The following MS4A8 variants were observed in gnomAD, a reference collection of about 807,000 sequenced individuals.
The protein encoded by MS4A8 is membrane-spanning 4-domains subfamily A member 8.
In MS4A8, 27 loss-of-function variants were observed where a neutral mutation model predicts 23.7. That is an observed-to-expected ratio of 1.14 (90% CI 0.84 to 1.57). The LOEUF is 1.57. MS4A8 is among the 40% of genes most tolerant of loss of function. The pLI is 0.00. For synonymous variants in MS4A8, 138 were observed against 126.3 expected, an observed-to-expected ratio of 1.09 and a Z score of -0.62; for missense variants, 301 against 311.4, an observed-to-expected ratio of 0.97 and a Z score of 0.25.
rs759903573 is a variant in MS4A8, at chr11:60,715,344, A to T, written c.683A>T (p.Asn228Ile). 6.2e-7 allele frequency: 1 copy of T among 1,613,864 alleles called. No homozygotes were observed. Among genetic ancestry groups the T allele is most frequent in the Non-Finnish European group, 8.5e-7 (1 of 1,179,982 alleles). ...SVIYPNIYAA[N>I]PVITPEPVTS... ...ATCTATCCAAACATCTATGCAGCAAACCCAGTGATCACCCCAGAACCGGTG... is the reference window on the plus strand; with the variant it reads ...ATCTATCCAAACATCTATGCAGCAATCCCAGTGATCACCCCAGAACCGGTG... The change falls in exon 7 of 7, where the codon AAC becomes ATC. Residue 228 changes from asparagine to isoleucine, a missense_variant. Coordinates refer to ENST00000300226, the MANE Select transcript of MS4A8 (RefSeq NM_031457.2).
chr11:60,703,412 G>T lies in MS4A8; in HGVS notation c.254G>T (p.Gly85Val). ...ATCATCATTGGCCTGGCTCACATCG[G>T]CCTCGGCTCCATCATGGCGACGGTT... ...IQIIIGLAHI[G>V]LGSIMATVLV... The change falls in exon 3 of 7, where the codon GGC becomes GTC. Residue 85 changes from glycine to valine, a missense_variant. By Grantham distance (109) the Gly-to-Val change is moderately radical (BLOSUM62 -3). Transcript: ENST00000300226. The T allele has an allele frequency of 6.2e-7, 1 of 1,603,722 alleles. No homozygotes were observed. The highest frequency in any genetic ancestry group is 8.5e-7 in the Non-Finnish European group (1 of 1,175,894).
chr11:60,710,179 C>A (rs2088288747), intron 5 of MS4A8, among the ~76,000 whole-genome samples: 1 of 152,152 alleles, frequency 6.6e-6, no homozygotes, highest in Non-Finnish European at 1.5e-5. Flanking sequence ...TCTTTCTGTA[C>A]TCATTTGTCT....
At position 60,707,050 on chromosome 11, in the gene MS4A8, A is replaced by C; in HGVS notation, c.402+3A>C. 6.2e-7 allele frequency: 1 copy of C among 1,613,254 alleles called. No homozygotes were observed. The highest frequency in any genetic ancestry group is 1.3e-5 in the African/African-American group (1 of 75,024). On this transcript the variant is annotated splice_donor_region_variant and intron_variant, in intron 4 of 6. Coordinates refer to ENST00000300226, the MANE Select transcript of MS4A8 (RefSeq NM_031457.2). ...ATCAGCCATATTCTTATTGCCTGGT[A>C]AGTTACATTCTGAGACCAGCTCTTC...
At position 60,708,937 on chromosome 11, in the gene MS4A8, T is replaced by C. The variant is rs776381228; in HGVS notation, c.534+156T>C. On this transcript the variant is annotated intron_variant, in intron 5 of 6. Coordinates refer to ENST00000300226, the MANE Select transcript of MS4A8 (RefSeq NM_031457.2). ...AACAAATTTTAAAGTCCTTGACCCA[T>C]AGCTTTAAGCACATGACCTTTCCCA... is the stretch of plus-strand genomic sequence containing the variant. 4.9e-6 allele frequency: 4 copies of C among 822,832 alleles called. No homozygotes were observed. The South Asian group carries it at 6.4e-5, about 13-fold the overall frequency. 51.0% of individuals were successfully genotyped at this position (822,832 alleles called of 1,614,324 possible).
chr11:60,699,803 A>G (rs1367827202), intron 1 of MS4A8, 28 bp downstream of exon 1: 2 of 152,358 alleles, frequency 1.3e-5, no homozygotes, highest in African/African-American at 2.4e-5. Context: ...GGTGGTTGGT[A>G]ACTGGGAGTT....
rs938223171 is a variant in MS4A8, at chr11:60,712,119, A to G, written c.535-2902A>G. On this transcript the variant is annotated intron_variant, in intron 5 of 6. Coordinates refer to ENST00000300226, the MANE Select transcript of MS4A8 (RefSeq NM_031457.2). ...AAGACCAGCATACTTTGCCCAGGCC[A>G]TTCTACTCTAAGTCTCTGTGATCCG... 5 of 280,018 alleles carry G rather than the reference A, an allele frequency of 1.8e-5. No homozygotes were observed. In the Admixed American group the frequency reaches 2.1e-4, roughly 12 times the overall value. The allele number at this position is 280,018 out of a possible 1,614,324, so 17.3% of individuals were successfully genotyped here.
intron 5 of MS4A8, among the ~76,000 whole-genome samples, chr11:60,710,253 C>G (rs888268069): frequency 6.6e-6 from 1 of 152,204 alleles, no homozygotes; most frequent in South Asian, 2.1e-4. Flanking sequence ...ATACATGGCT[C>G]CAGCCAAATC....
At chr11:60,706,002 G>A (rs2088252437) in intron 3 of MS4A8, among the ~76,000 whole-genome samples, 1 of 152,180 alleles carries the variant, frequency 6.6e-6, no homozygotes, top group Admixed American at 6.5e-5. Context: ...TACTTCATCT[G>A]TTGGGGGGAG....
chr11:60,712,615 G>A (rs867574266), intron 5 of MS4A8: 3 of 432,346 alleles, frequency 6.9e-6, no homozygotes, highest in Admixed American at 6.4e-5. Flanking sequence ...GCAACATGGC[G>A]AAATCCCATC....
chr11:60,710,209 C>T (rs977277673), intron 5 of MS4A8, among the ~76,000 whole-genome samples: 3 of 152,218 alleles, frequency 2.0e-5, no homozygotes, highest in African/African-American at 7.2e-5. Context: ...AGTCTGGCAA[C>T]TTGAAACACC....
intron 5 of MS4A8, among the ~76,000 whole-genome samples, chr11:60,710,878 G>GTTCCCTCCGACTGGGGAACTC (rs1416193904): frequency 1.3e-5 from 2 of 152,150 alleles, no homozygotes; most frequent in African/African-American, 4.8e-5. Flanking sequence ...GGCCTGGAAT[G>GTTCCCTCCGACTGGGGAACTC]TTCCCTCCGA....
In MS4A8 at chr11:60,715,587, A is replaced by G. The variant is rs773054623; in HGVS notation, c.*173A>G. On this transcript the variant is annotated 3_prime_UTR_variant, in exon 7 of 7. Coordinates refer to ENST00000300226, the MANE Select transcript of MS4A8 (RefSeq NM_031457.2). ...GTCTAGGAAACCATGCTGTTTCTCT[A>G]TCAAGAAGAAGACAGAGATTTTAAA... 58 of 601,684 alleles carry G rather than the reference A, an allele frequency of 9.6e-5. No individual in the cohort carries two copies. The highest frequency in any genetic ancestry group is 1.5e-4 in the Non-Finnish European group (51 of 340,868). The allele number at this position is 601,684 out of a possible 1,614,324, so 37.3% of individuals were successfully genotyped here.
At chr11:60,705,879 T>C (rs1311717193) in intron 3 of MS4A8, among the ~76,000 whole-genome samples, 1 of 152,214 alleles carries the variant, frequency 6.6e-6, no homozygotes, top group African/African-American at 2.4e-5. Context: ...CGCTGGATGA[T>C]GTTGTGTGAG....
intron 3 of MS4A8, among the ~76,000 whole-genome samples, chr11:60,706,365 G>A (rs577970005): frequency 2.6e-5 from 4 of 152,230 alleles, no homozygotes; most frequent in Non-Finnish European, 2.9e-5. Flanking sequence ...CATCATCCTC[G>A]TATTTGATGT....
chr11:60,715,178 A>C (rs917618236), intron 6 of MS4A8, 44 bp downstream of exon 6: 55 of 1,539,112 alleles, frequency 3.6e-5, no homozygotes, highest in Non-Finnish European at 4.7e-5. Context: ...TGCCCCCAAA[A>C]AGGTGGAGAC....
intron 2 of MS4A8, among the ~76,000 whole-genome samples, chr11:60,702,463 C>A (rs187789789): frequency 6.1e-4 from 93 of 152,334 alleles, no homozygotes; most frequent in African/African-American, 2.1e-3. Context: ...AGCGCAGTGG[C>A]GCAGTCTTGG....
intron 5 of MS4A8, among the ~76,000 whole-genome samples, chr11:60,709,913 A>C (rs1214601189): frequency 6.6e-6 from 1 of 152,174 alleles, no homozygotes; most frequent in Non-Finnish European, 1.5e-5. Flanking sequence ...CAAATTCTTA[A>C]AAGAATTGTC....
intron 4 of MS4A8, 37 bp downstream of exon 4, chr11:60,707,084 G>A (rs915743868): frequency 6.3e-7 from 1 of 1,579,594 alleles, no homozygotes; most frequent in African/African-American, 1.3e-5. Context: ...TCCAACTGGA[G>A]ACCTATAGAA....
intron 3 of MS4A8, among the ~76,000 whole-genome samples, chr11:60,706,492 T>C (rs2088256894): frequency 6.6e-6 from 1 of 152,208 alleles, no homozygotes; most frequent in Admixed American, 6.6e-5. Flanking sequence ...AAGACGCTGG[T>C]AACCCCTTCC....
Sources: allele counts gnomAD v4.1 joint callset (sites outside exome capture counted in the v4.1 genomes callset), GRCh38; gene constraint gnomAD v4.1.1; transcripts MANE v1.5; gene names NCBI Gene and HGNC (gene_info 2026-07-23, HGNC 2026-07-21).